Variants in NECTIN2 observed in about 807,000 individuals in gnomAD.
NECTIN2 encodes nectin-2.
Under a neutral mutation model 56.9 loss-of-function variants are expected in NECTIN2, and 23 were observed. That is an observed-to-expected ratio of 0.40 (90% CI 0.29 to 0.57). NECTIN2 has a LOEUF of 0.57. NECTIN2 is among the 20% of genes least tolerant of loss of function. The pLI is 0.38. For missense variants in NECTIN2, 587 were observed against 718.3 expected (o/e 0.82, Z 2.09); for synonymous variants, 302 against 313.8 (o/e 0.96, Z 0.40).
chr19:44,865,173 CT>C lies in NECTIN2; in HGVS notation c.89-97del, dbSNP rs1270248160. 3.0e-6 allele frequency: 4 copies of C among 1,315,128 alleles called. No homozygotes were observed. The highest frequency in any genetic ancestry group is 1.5e-5 in the African/African-American group (1 of 67,540). The allele number at this position is 1,315,128 out of a possible 1,614,324, so 81.5% of individuals were successfully genotyped here. A position where few individuals can be genotyped will look rare whatever the true frequency, so the allele number is the denominator to read the frequency against. On this transcript the variant is annotated intron_variant, in intron 1 of 8. Transcript: ENST00000252483. The surrounding 1 kb of genome is among the most constrained non-coding windows in gnomAD (Gnocchi z 5.2). ...AAGCTGCCTACGTTGCATGCGGAGC[CT>C]GCATTTCCCGTGGGGCCCCCTTCGT...
rs552762199 is a variant in NECTIN2 at position 44,851,767 on chromosome 19, T to C, written c.88+5154T>C. On this transcript the variant is annotated intron_variant, in intron 1 of 8. Coordinates refer to ENST00000252483, the MANE Select transcript of NECTIN2 (RefSeq NM_001042724.2). ...AGTCCCCTGGCTATGGTGCTGGCCA[T>C]GTCCTGGCCAAGTTCATGGCACAGC... Among the ~76,000 whole-genome samples the C allele has an allele frequency of 2.2e-4, 34 of 152,356 alleles. 1 individual carries two copies. Among genetic ancestry groups the C allele is most frequent in the Non-Finnish European group, 4.4e-4 (30 of 68,028 alleles).
At chr19:44,850,626 C>T (rs1319864385) in intron 1 of NECTIN2, among the ~76,000 whole-genome samples, 1 of 152,076 alleles carries the variant, frequency 6.6e-6, no homozygotes, top group Non-Finnish European at 1.5e-5. Flanking sequence ...CCCTGGGCAA[C>T]AAAGCAAGAT....
intron 5 of NECTIN2, chr19:44,878,278 G>T (rs1309077736): frequency 2.5e-6 from 3 of 1,201,912 alleles, no homozygotes; most frequent in Admixed American, 4.1e-5. Flanking sequence ...GGGCCGTGGG[G>T]GGGACACTGC....
At chr19:44,856,684 A>T (rs1303684856) in intron 1 of NECTIN2, among the ~76,000 whole-genome samples, 1 of 152,156 alleles carries the variant, frequency 6.6e-6, no homozygotes, top group African/African-American at 2.4e-5. Flanking sequence ...CAGGCGGGTG[A>T]TAAGTCCCAG....
At chr19:44,867,468 T>C (rs1002059852) in intron 2 of NECTIN2, among the ~76,000 whole-genome samples, 2 of 152,232 alleles carry the variant, frequency 1.3e-5, no homozygotes, top group African/African-American at 4.8e-5. Flanking sequence ...CACTCCATCC[T>C]GGACAAGAGA....
chr19:44,872,412 T>C (rs1259574096), intron 3 of NECTIN2, among the ~76,000 whole-genome samples: 1 of 152,174 alleles, frequency 6.6e-6, no homozygotes, highest in Non-Finnish European at 1.5e-5. Context: ...GCCAGTTTGA[T>C]ACATTTCTTT....
At chr19:44,868,787 C>G (rs1249584024) in intron 2 of NECTIN2, among the ~76,000 whole-genome samples, 1 of 151,986 alleles carries the variant, frequency 6.6e-6, no homozygotes, top group Non-Finnish European at 1.5e-5. Flanking sequence ...GTGGCGGGTG[C>G]CTTAGTCCCA....
intron 5 of NECTIN2, among the ~76,000 whole-genome samples, chr19:44,880,178 C>T (rs1347547474): frequency 6.6e-6 from 1 of 152,118 alleles, no homozygotes; most frequent in African/African-American, 2.4e-5. Flanking sequence ...TGTCTGTACT[C>T]ACCCACCCAC....
chr19:44,869,269 A>G lies in NECTIN2; in HGVS notation c.479-2584A>G, dbSNP rs114590439. The stretch of plus-strand genomic sequence containing the variant: ...GCAACAAGAGCAAAACTCTGTCTCA[A>G]AATAAATAAATAAATAATGAGACTC... On this transcript the variant is annotated intron_variant, in intron 2 of 8. Transcript: ENST00000252483. Among the ~76,000 whole-genome samples the G allele has an allele frequency of 6.8e-3, 1,028 of 152,060 alleles. 14 individuals are homozygous for G. The highest frequency in any genetic ancestry group is 0.023 in the African/African-American group (970 of 41,458).
Position 44,883,431 on chromosome 19 carries a change from C to T in NECTIN2, c.1196+1067C>T, listed in dbSNP as rs140864055. On this transcript the variant is annotated intron_variant, in intron 6 of 8. Coordinates refer to ENST00000252483, the MANE Select transcript of NECTIN2 (RefSeq NM_001042724.2). ...CTGGGATTACAGATGCGCGCCACCA[C>T]GCCCGGCTAATTTTTGTATTTTTAG... Among the ~76,000 whole-genome samples, 544 of 152,218 alleles carry T rather than the reference C, an allele frequency of 3.6e-3. 5 individuals are homozygous for T. Among genetic ancestry groups the T allele is most frequent in the African/African-American group, 0.012 (483 of 41,536 alleles).
At chr19:44,869,431 A>G (rs996640900) in intron 2 of NECTIN2, among the ~76,000 whole-genome samples, 2 of 151,718 alleles carry the variant, frequency 1.3e-5, no homozygotes, top group African/African-American at 4.8e-5. Flanking sequence ...TCTCTACTAA[A>G]AATACAAAAA....
intron 1 of NECTIN2, among the ~76,000 whole-genome samples, chr19:44,855,352 G>A (rs1479062824): frequency 6.6e-6 from 1 of 151,910 alleles, no homozygotes; most frequent in Non-Finnish European, 1.5e-5. Context: ...ATGAACCTGG[G>A]AGGCGGAGGT....
In NECTIN2 at chr19:44,874,091, C is replaced by T; in HGVS notation, c.893+58C>T. The T allele has an allele frequency of 1.4e-6, 2 of 1,422,414 alleles. No individual in the cohort carries two copies. The highest frequency in any genetic ancestry group is 1.2e-5 in the South Asian group (1 of 84,820). The allele number at this position is 1,422,414 out of a possible 1,614,324, so 88.1% of individuals were successfully genotyped here. On this transcript the variant is annotated intron_variant, in intron 4 of 8. Transcript: ENST00000252483. This position sits in a 1 kb window ranked among gnomAD's most constrained non-coding sequence, Gnocchi z 6.3. ...AGGGAGGCGGGGCTGGGGGCCTGGA[C>T]TCCTGGATCTAAGGGAGGAGGGGCT...
chr19:44,888,127 T>A lies in NECTIN2; in HGVS notation c.1365T>A (p.His455Gln). 1 of 1,612,564 alleles carries A rather than the reference T, an allele frequency of 6.2e-7. No homozygotes were observed. Among genetic ancestry groups the A allele is most frequent in the Non-Finnish European group, 8.5e-7 (1 of 1,178,716 alleles). Residue 455 changes from histidine (H) to glutamine (Q), a missense_variant, in exon 9 of 9, where the codon CAT becomes CAA. Coordinates refer to ENST00000252483, the MANE Select transcript of NECTIN2 (RefSeq NM_001042724.2). ...SCTEQEMPRY[H>Q]ELPTLEERSG... is the part of the protein sequence containing the mutation. ...ACCTCCAGGAAATGCCTCGATACCA[T>A]GAGCTGCCCACCTTGGAAGAACGGT...
At chr19:44,876,721 G>C (rs993638086) in intron 5 of NECTIN2, among the ~76,000 whole-genome samples, 1 of 152,138 alleles carries the variant, frequency 6.6e-6, no homozygotes, top group Non-Finnish European at 1.5e-5. Flanking sequence ...CCACAGGACA[G>C]ATCTATCTTT....
chr19:44,876,907 T>C (rs1266668690), intron 5 of NECTIN2, among the ~76,000 whole-genome samples: 2 of 151,940 alleles, frequency 1.3e-5, no homozygotes, highest in Non-Finnish European at 2.9e-5. Context: ...ACCCTAGACA[T>C]ATGAACAGAC....
At chr19:44,853,922 A>G (rs1216762904) in intron 1 of NECTIN2, among the ~76,000 whole-genome samples, 1 of 152,180 alleles carries the variant, frequency 6.6e-6, no homozygotes, top group African/African-American at 2.4e-5. Flanking sequence ...GCTGGCAGTC[A>G]GTTTCCAGGA....
At chr19:44,854,209 G>A (rs1021414584) in intron 1 of NECTIN2, among the ~76,000 whole-genome samples, 9 of 152,080 alleles carry the variant, frequency 5.9e-5, no homozygotes, top group South Asian at 2.1e-4. Context: ...GAGTTCAAGC[G>A]ACTCTCCCTA....
At chr19:44,877,094 ATCC>A (rs373594010) in intron 5 of NECTIN2, among the ~76,000 whole-genome samples, 2 of 152,232 alleles carry the variant, frequency 1.3e-5, no homozygotes, top group South Asian at 4.1e-4. Flanking sequence ...AAAAGATTTT[ATCC>A]TCCTTTTTTT....
Sources: allele counts gnomAD v4.1 joint callset (sites outside exome capture counted in the v4.1 genomes callset), GRCh38; gene constraint gnomAD v4.1.1; non-coding constraint Gnocchi (gnomAD v3.1); transcripts MANE v1.5; gene names NCBI Gene and HGNC (gene_info 2026-07-23, HGNC 2026-07-21).